Variants in UBOX5 observed in about 807,000 individuals in gnomAD.
The protein encoded by UBOX5 is RING finger protein 37.
UBOX5 carries 28 observed loss-of-function variants against 39.0 expected under a neutral mutation model. The observed-to-expected ratio is 0.72, with a 90% CI of 0.53 to 0.98. The LOEUF (loss-of-function observed/expected upper bound fraction) is 0.98. Ranked by LOEUF, UBOX5 falls within the 50% of genes least tolerant of loss-of-function variation. The pLI is 0.00. For synonymous variants in UBOX5, 283 were observed against 275.5 expected, an observed-to-expected ratio of 1.03 and a Z score of -0.27; for missense variants, 585 against 674.4, an observed-to-expected ratio of 0.87 and a Z score of 1.47.
chr20:3,147,820 A>C (rs1470092700), intron 1 of UBOX5: 4 of 1,614,236 alleles, frequency 2.5e-6, no homozygotes, highest in Non-Finnish European at 3.4e-6. Context: ...TAGGAGGCAA[A>C]GACGCAGCCA....
chr20:3,159,114 C>T (rs967216666), intron 1 of UBOX5, among the ~76,000 whole-genome samples: 2 of 151,996 alleles, frequency 1.3e-5, no homozygotes, highest in African/African-American at 4.8e-5. Context: ...ACGGTTTGCA[C>T]AGAAAGAGAA....
chr20:3,123,165 C>T, intron 2 of UBOX5, 147 bp downstream of exon 2: 1 of 793,090 alleles, frequency 1.3e-6, no homozygotes, highest in Non-Finnish European at 2.0e-6. Context: ...CTGCCCCATG[C>T]TTACCTAAAT....
chr20:3,153,658 G>A (rs971906205), intron 1 of UBOX5, among the ~76,000 whole-genome samples: 20 of 152,208 alleles, frequency 1.3e-4, no homozygotes, highest in African/African-American at 3.6e-4. Context: ...ATTTCCAGGT[G>A]CCAGGGAGCT....
chr20:3,113,119 CAAAAAAAA>C (rs34287965), intron 4 of UBOX5, among the ~76,000 whole-genome samples: 7 of 121,982 alleles, frequency 5.7e-5, no homozygotes, highest in African/African-American at 1.8e-4. Flanking sequence ...ACTAAATATA[CAAAAAAAA>C]AAAAAAAAAA....
chr20:3,115,454 T>C lies in UBOX5; in HGVS notation c.1268A>G (p.His423Arg), dbSNP rs1387793147. 6 of 1,612,942 alleles carry C rather than the reference T, an allele frequency of 3.7e-6. No homozygotes were observed. Among genetic ancestry groups the C allele is most frequent in the Non-Finnish European group, 5.1e-6 (6 of 1,179,496 alleles). ...HMDCSTGPLS[H>R]EQKLSQSLEI... The stretch of plus-strand genomic sequence containing the variant: ...CAAGCTTTGTGACAGCTTCTGCTCG[T>C]GGGACAGTGGACCTGTCGAGAGATG... Residue 423 changes from histidine (H) to arginine (R), a missense_variant, in exon 4 of 5, where the codon CAC becomes CGC. Physicochemically the swap from His to Arg is conservative, Grantham distance 29. Coordinates refer to ENST00000217173, the MANE Select transcript of UBOX5 (RefSeq NM_014948.4).
chr20:3,121,310 A>C (rs1260593775), intron 3 of UBOX5, 74 bp downstream of exon 3: 1 of 1,533,162 alleles, frequency 6.5e-7, no homozygotes, highest in East Asian at 2.3e-5. Context: ...AGCACAAAGC[A>C]AAGGGCAGCA....
At chr20:3,137,896 T>C (rs2066485416) in intron 1 of UBOX5, among the ~76,000 whole-genome samples, 2 of 152,226 alleles carry the variant, frequency 1.3e-5, no homozygotes, top group Admixed American at 1.3e-4. Flanking sequence ...CTGCCCACAC[T>C]GTAAGAAACA....
Position 3,121,754 on chromosome 20 carries a change from A to G in UBOX5, c.885T>C (p.Ser295=). ...TGGGCACTCGGCCCCATGTGGCTTCACTGCGGTTACACTTCTCCAGTGTGC... is the reference window on the plus strand; with the variant it reads ...TGGGCACTCGGCCCCATGTGGCTTCGCTGCGGTTACACTTCTCCAGTGTGC... ...DQSTLEKCNR[S]EATWGRVPSD... is the part of the protein sequence containing the mutation. The change falls in exon 3 of 5, where the codon AGT becomes AGC. Residue 295 remains serine, a synonymous_variant. Transcript: ENST00000217173. The G allele has an allele frequency of 6.2e-7, 1 of 1,614,064 alleles. No homozygotes were observed. Among genetic ancestry groups the G allele is most frequent in the Non-Finnish European group, 8.5e-7 (1 of 1,180,026 alleles).
Position 3,123,328 on chromosome 20 carries a change from C to T in UBOX5, c.38G>A (p.Arg13Lys). 1.2e-6 allele frequency: 2 copies of T among 1,614,006 alleles called. No homozygotes were observed. The highest frequency in any genetic ancestry group is 1.7e-6 in the Non-Finnish European group (2 of 1,179,972). Residue 13 changes from arginine to lysine, a missense_variant, in exon 2 of 5, where the codon AGA (arginine) becomes AAA (lysine). Coordinates refer to ENST00000217173, the MANE Select transcript of UBOX5 (RefSeq NM_014948.4). ...TTTGTTTACCTTGTTGCAGTGAATT[C>T]TTGGTCTGAACTGTGGGAGGCAAAG... ...INLCLPQFRP[R>K]IHCNKISADG...
intron 1 of UBOX5, chr20:3,151,757 T>C (rs1296453149): frequency 1.3e-5 from 2 of 152,168 alleles, no homozygotes; most frequent in East Asian, 3.9e-4. Flanking sequence ...GTCCTCAAAA[T>C]AGTCATTAGG....
chr20:3,147,016 G>A (rs1164068394), intron 1 of UBOX5: 3 of 1,614,198 alleles, frequency 1.9e-6, no homozygotes, highest in South Asian at 1.1e-5. Flanking sequence ...AGGCTGCGGG[G>A]CACAGGCCAG....
chr20:3,121,883 C>T lies in UBOX5; in HGVS notation c.756G>A (p.Leu252=), dbSNP rs1325598213. The T allele has an allele frequency of 1.2e-6, 2 of 1,613,958 alleles. No homozygotes were observed. The highest frequency in any genetic ancestry group is 1.3e-5 in the African/African-American group (1 of 75,060). The change falls in exon 3 of 5, where the codon CTG becomes CTA. Residue 252 remains leucine, a synonymous_variant. Transcript: ENST00000217173. ...CAGGCACATCCTGAATGATCTCGGC[C>T]AGCTTCTGCAGGCTGGAGGGAGCCT... is the stretch of plus-strand genomic sequence containing the variant. The part of the protein sequence containing the change: ...SQQAPSSLQK[L]AEIIQDVPEE...
rs1274023696 is a variant in UBOX5, at chr20:3,122,123, G to C, written c.516C>G (p.His172Gln). ...KGALSLSHVA[H>Q]LRICITHVTG... is the part of the protein sequence containing the mutation. ...TCACATGGGTGATACAGATCCTTAA[G>C]TGGGCCACGTGGCTAAGGGAAAGAG... Residue 172 changes from histidine (H) to glutamine (Q), a missense_variant, in exon 3 of 5, where the codon CAC becomes CAG. Physicochemically the swap from His to Gln is conservative, Grantham distance 24 (BLOSUM62 0). Coordinates refer to ENST00000217173, the MANE Select transcript of UBOX5 (RefSeq NM_014948.4). 6.2e-7 allele frequency: 1 copy of C among 1,614,260 alleles called. No homozygotes were observed. The highest frequency in any genetic ancestry group is 1.1e-5 in the South Asian group (1 of 91,086).
At chr20:3,143,490 AAAAT>A (rs1353472698) in intron 1 of UBOX5, among the ~76,000 whole-genome samples, 2 of 152,152 alleles carry the variant, frequency 1.3e-5, no homozygotes, top group Non-Finnish European at 2.9e-5. Flanking sequence ...AAAAAAGAAT[AAAAT>A]AATTAGGAAT....
In UBOX5 at chr20:3,115,456, G is replaced by T; in HGVS notation, c.1266C>A (p.Ser422=). Residue 422 remains serine, a synonymous_variant, in exon 4 of 5, where the codon TCC becomes TCA. Transcript: ENST00000217173. ...AGCTTTGTGACAGCTTCTGCTCGTG[G>T]GACAGTGGACCTGTCGAGAGATGCG... The part of the protein sequence containing the change: ...THMDCSTGPL[S]HEQKLSQSLE... 6.2e-7 allele frequency: 1 copy of T among 1,612,826 alleles called. No homozygotes were observed. Among genetic ancestry groups the T allele is most frequent in the Non-Finnish European group, 8.5e-7 (1 of 1,179,372 alleles).
chr20:3,158,905 G>T (rs1414102831), intron 1 of UBOX5, among the ~76,000 whole-genome samples: 1 of 152,224 alleles, frequency 6.6e-6, no homozygotes, highest in East Asian at 1.9e-4. Context: ...TGTAGAAAAC[G>T]TGAATTCAGA....
intron 1 of UBOX5, among the ~76,000 whole-genome samples, chr20:3,126,405 A>G (rs1472028309): frequency 6.6e-6 from 1 of 151,916 alleles, no homozygotes; most frequent in East Asian, 1.9e-4. Flanking sequence ...AGGAAAACCA[A>G]AGACCTTTGT....
intron 1 of UBOX5, among the ~76,000 whole-genome samples, chr20:3,142,804 G>A (rs1291185880): frequency 1.3e-5 from 2 of 148,166 alleles, no homozygotes; most frequent in African/African-American, 4.9e-5. Context: ...AAAAGTATGT[G>A]TATATACCCA....
At chr20:3,115,546 A>G (rs777411022) in intron 3 of UBOX5, 80 bp from the exon 4 acceptor site, 4 of 1,440,574 alleles carry the variant, frequency 2.8e-6, no homozygotes, top group Non-Finnish European at 3.7e-6. Context: ...CGAGGGCTGT[A>G]AAAACGGCAC....
Sources: gnomAD v4.1 joint callset for allele counts (sites outside exome capture counted in the v4.1 genomes callset) on GRCh38, gnomAD v4.1.1 for gene constraint, MANE v1.5 for transcripts, NCBI Gene and HGNC (gene_info 2026-07-23, HGNC 2026-07-21) for gene names.